Variants in SPMAP2L observed in about 807,000 individuals in gnomAD.
SPMAP2L encodes the protein sperm microtubule associated protein 2 like.
the SPMAP2L span, among the ~76,000 whole-genome samples, chr4:56,574,218 G>C: frequency 3.9e-5 from 6 of 152,000 alleles, no homozygotes; most frequent in African/African-American, 1.2e-4. Context: ...ATAGGCATTC[G>C]AGGCTAGCCT....
the SPMAP2L span, among the ~76,000 whole-genome samples, chr4:56,551,521 C>T: frequency 6.6e-6 from 1 of 152,044 alleles, no homozygotes; most frequent in Non-Finnish European, 1.5e-5. Flanking sequence ...GTCAGGGATT[C>T]AAACTACTCA....
the SPMAP2L span, among the ~76,000 whole-genome samples, chr4:56,536,008 C>T: frequency 1.3e-5 from 2 of 152,364 alleles, no homozygotes; most frequent in South Asian, 2.1e-4. Context: ...CATGCGCACG[C>T]GCAGTTCACG....
the SPMAP2L span, among the ~76,000 whole-genome samples, chr4:56,598,020 C>T: frequency 2.6e-5 from 4 of 152,062 alleles, no homozygotes; most frequent in African/African-American, 9.7e-5. Flanking sequence ...GTGCCACCAC[C>T]CCCAAGTTTT....
At chr4:56,598,643 G>T in the SPMAP2L span, among the ~76,000 whole-genome samples, 1 of 151,920 alleles carries the variant, frequency 6.6e-6, no homozygotes, top group African/African-American at 2.4e-5. Context: ...TGAGAGGGAA[G>T]GACCTGGTCC....
At chr4:56,625,252 C>T in the SPMAP2L span, among the ~76,000 whole-genome samples, 11 of 152,284 alleles carry the variant, frequency 7.2e-5, no homozygotes, top group Admixed American at 4.6e-4. Context: ...CCTGTACTCC[C>T]ATTGTATCTA....
the SPMAP2L span, among the ~76,000 whole-genome samples, chr4:56,618,480 C>G: frequency 2.6e-5 from 4 of 152,164 alleles, no homozygotes; most frequent in Non-Finnish European, 5.9e-5. Flanking sequence ...GGGGAGGCCT[C>G]AGGAAACTTA....
At chr4:56,556,586 A>G in the SPMAP2L span, among the ~76,000 whole-genome samples, 2 of 152,156 alleles carry the variant, frequency 1.3e-5, no homozygotes, top group Admixed American at 6.5e-5. Flanking sequence ...ATCAAATAAC[A>G]TTGAGGATGG....
chr4:56,572,071 CTAAAA>C, the SPMAP2L span, among the ~76,000 whole-genome samples: 1 of 151,876 alleles, frequency 6.6e-6, no homozygotes, highest in African/African-American at 2.4e-5. Context: ...AGAGTACACT[CTAAAA>C]TAACAATAAA....
At chr4:56,531,022 C>A in the SPMAP2L span, 3 of 1,535,460 alleles carry the variant, frequency 2.0e-6, no homozygotes, top group Non-Finnish European at 2.6e-6. Context: ...CCTCAAGGCC[C>A]GTGAACCCCG....
At chr4:56,623,186 T>C in the SPMAP2L span, among the ~76,000 whole-genome samples, 6 of 152,186 alleles carry the variant, frequency 3.9e-5, no homozygotes, top group Admixed American at 6.5e-5. Context: ...CTTTCCTAAA[T>C]AGTGACCATG....
chr4:56,594,593 A>G, the SPMAP2L span: 1 of 1,573,324 alleles, frequency 6.4e-7, no homozygotes, highest in Non-Finnish European at 8.8e-7. Flanking sequence ...GGTTTGCCTC[A>G]TTCTGAAATC....
At chr4:56,547,843 C>CA in the SPMAP2L span, among the ~76,000 whole-genome samples, 1,202 of 152,096 alleles carry the variant, frequency 7.9e-3, 17 homozygotes, top group African/African-American at 0.027. Flanking sequence ...AACAAAAAAA[C>CA]AAAAAAACCC....
At chr4:56,565,280 A>G in the SPMAP2L span, among the ~76,000 whole-genome samples, 4 of 152,210 alleles carry the variant, frequency 2.6e-5, no homozygotes, top group Admixed American at 2.6e-4. Context: ...ATTTCTGACC[A>G]TAATTGTGGA....
At chr4:56,549,243 TC>T in the SPMAP2L span, among the ~76,000 whole-genome samples, 1 of 152,136 alleles carries the variant, frequency 6.6e-6, no homozygotes, top group African/African-American at 2.4e-5. Flanking sequence ...CGCCTCTGCC[TC>T]CCAAAGTGCT....
At chr4:56,546,827 G>A in the SPMAP2L span, among the ~76,000 whole-genome samples, 2 of 149,844 alleles carry the variant, frequency 1.3e-5, no homozygotes, top group African/African-American at 4.9e-5. Context: ...CATAGAATAA[G>A]TGCTGCAACT....
chr4:56,577,310 C>T, the SPMAP2L span, among the ~76,000 whole-genome samples: 1 of 151,782 alleles, frequency 6.6e-6, no homozygotes, highest in Non-Finnish European at 1.5e-5. Context: ...GTGGCAGAGG[C>T]ACAAGAATAG....
At chr4:56,592,983 AC>A in the SPMAP2L span, 1 of 1,603,780 alleles carries the variant, frequency 6.2e-7, no homozygotes, top group Non-Finnish European at 8.5e-7. Flanking sequence ...AAAATGGAAG[AC>A]CCTGTTTGTG....
At chr4:56,534,099 T>G in the SPMAP2L span, among the ~76,000 whole-genome samples, 1 of 152,204 alleles carries the variant, frequency 6.6e-6, no homozygotes, top group Non-Finnish European at 1.5e-5. Flanking sequence ...TGCTCTGCTT[T>G]AGAGGAAAAA....
At chr4:56,625,964 C>T in the SPMAP2L span, among the ~76,000 whole-genome samples, 1 of 152,214 alleles carries the variant, frequency 6.6e-6, no homozygotes, top group Non-Finnish European at 1.5e-5. Context: ...CCTGTGGCTA[C>T]CCTGTGGGTT....
Sources: allele counts gnomAD v4.1 joint callset (sites outside exome capture counted in the v4.1 genomes callset), GRCh38; gene constraint gnomAD v4.1.1; transcripts MANE v1.5; gene names NCBI Gene and HGNC (gene_info 2026-07-23, HGNC 2026-07-21).